Variants in IQSEC1 observed in about 807,000 individuals in gnomAD.
IQSEC1 encodes the protein IQ motif and SEC7 domain-containing protein 1.
A neutral mutation model predicts 91.0 loss-of-function variants in IQSEC1; 31 were observed. The ratio of observed to expected loss-of-function variants is 0.34; its 90% CI spans 0.26 to 0.46. IQSEC1 has a LOEUF of 0.46. Among genes scored for constraint, IQSEC1 ranks in the 20% least tolerant of loss-of-function variants. The pLI is 1.00. For missense variants in IQSEC1, 1,388 were observed against 1,575.6 expected (o/e 0.88, Z 2.02); for synonymous variants, 699 against 662.6 (o/e 1.05, Z -0.84).
At chr3:13,230,466 C>G in intron 1 of IQSEC1, among the ~76,000 whole-genome samples, 1 of 152,188 alleles carries the variant, frequency 6.6e-6, no homozygotes, top group East Asian at 1.9e-4. Context: ...TTTTTTGGCC[C>G]TCTAGAAAGT....
chr3:13,065,878 C>T (rs1705213428), intron 1 of IQSEC1, among the ~76,000 whole-genome samples: 1 of 152,226 alleles, frequency 6.6e-6, no homozygotes, highest in African/African-American at 2.4e-5. Context: ...TGTGGTCCAT[C>T]CGCACAATGG....
chr3:12,918,066 G>A (rs1224625450), intron 6 of IQSEC1, among the ~76,000 whole-genome samples: 1 of 152,216 alleles, frequency 6.6e-6, no homozygotes, highest in African/African-American at 2.4e-5. Flanking sequence ...CTGGCTCCAG[G>A]AGTCCAGGGA....
intron 2 of IQSEC1, among the ~76,000 whole-genome samples, chr3:13,161,340 A>G (rs1057327006): frequency 2.0e-5 from 3 of 151,870 alleles, no homozygotes; most frequent in Non-Finnish European, 4.4e-5. Context: ...TAGTTTTCCA[A>G]CCTCCCCTCT....
At chr3:13,064,388 C>G (rs887443188) in intron 1 of IQSEC1, among the ~76,000 whole-genome samples, 2 of 151,970 alleles carry the variant, frequency 1.3e-5, no homozygotes, top group African/African-American at 4.8e-5. Context: ...TAAAACAGAA[C>G]CAAGAGAATG....
intron 1 of IQSEC1, among the ~76,000 whole-genome samples, chr3:13,185,041 A>G (rs1410605669): frequency 6.6e-6 from 1 of 152,194 alleles, no homozygotes; most frequent in Non-Finnish European, 1.5e-5. Flanking sequence ...CGGAGACCAC[A>G]GATGCCAGGG....
At chr3:13,270,117 C>T (rs1695568779) in intron 1 of IQSEC1, among the ~76,000 whole-genome samples, 1 of 152,192 alleles carries the variant, frequency 6.6e-6, no homozygotes, top group African/African-American at 2.4e-5. Context: ...TTTGGACCCT[C>T]CAGATCAGCC....
At chr3:12,968,992 A>C (rs1026725899) in intron 1 of IQSEC1, among the ~76,000 whole-genome samples, 1 of 152,218 alleles carries the variant, frequency 6.6e-6, no homozygotes, top group Non-Finnish European at 1.5e-5. Context: ...CAAGAAGCTG[A>C]GCAGGAGCCC....
rs961738419 is a variant in IQSEC1 at position 13,179,474 on chromosome 3, A to C, written c.273-15341T>G. On this transcript the variant is annotated intron_variant, in intron 1 of 15. Coordinates refer to the IQSEC1 transcript ENST00000648114. ...AACCCACAAGCCTATACCTCGTGGA[A>C]ATATCATCACCCATAGACATCACAC... Among the ~76,000 whole-genome samples, 7 of 152,268 alleles carry C rather than the reference A, an allele frequency of 4.6e-5. 1 individual carries two copies. Among genetic ancestry groups the C allele is most frequent in the Admixed American group, 3.9e-4 (6 of 15,288 alleles).
intron 2 of IQSEC1, among the ~76,000 whole-genome samples, chr3:13,152,440 G>C (rs889587893): frequency 6.6e-6 from 1 of 152,196 alleles, no homozygotes; most frequent in African/African-American, 2.4e-5. Flanking sequence ...AGAAACCATG[G>C]AGCTCTCTGA....
At chr3:13,057,624 C>T (rs1023678497) in intron 1 of IQSEC1, among the ~76,000 whole-genome samples, 3 of 152,230 alleles carry the variant, frequency 2.0e-5, no homozygotes, top group African/African-American at 7.2e-5. Context: ...AGGAGAAGCA[C>T]CTGGCACAGG....
chr3:13,045,857 T>A (rs1208929827), intron 1 of IQSEC1, among the ~76,000 whole-genome samples: 1 of 152,190 alleles, frequency 6.6e-6, no homozygotes, highest in Non-Finnish European at 1.5e-5. Flanking sequence ...CCCTGAGCCA[T>A]CCCATCAGGG....
intron 1 of IQSEC1, among the ~76,000 whole-genome samples, chr3:13,196,507 C>T (rs1018599186): frequency 1.3e-5 from 2 of 152,226 alleles, no homozygotes; most frequent in African/African-American, 4.8e-5. Flanking sequence ...CTGAGACAGG[C>T]TCCTGTCACT....
At chr3:13,055,726 C>T (rs1301609079) in intron 1 of IQSEC1, among the ~76,000 whole-genome samples, 2 of 152,228 alleles carry the variant, frequency 1.3e-5, no homozygotes, top group Non-Finnish European at 2.9e-5. Flanking sequence ...CGGTCCAGAG[C>T]TGCCTCAAGG....
At chr3:13,019,235 A>T (rs1703287347) in intron 1 of IQSEC1, among the ~76,000 whole-genome samples, 1 of 152,196 alleles carries the variant, frequency 6.6e-6, no homozygotes, top group Non-Finnish European at 1.5e-5. Context: ...TCCCTCTCAG[A>T]GTCCTCGGGC....
intron 5 of IQSEC1, among the ~76,000 whole-genome samples, 176 bp downstream of exon 5, chr3:12,921,944 G>A (rs920230905): frequency 1.3e-5 from 2 of 152,172 alleles, no homozygotes; most frequent in African/African-American, 4.8e-5. Flanking sequence ...AAAGGAGCCC[G>A]TCACAGTGCC....
At chr3:12,986,627 C>A (rs947142644) in intron 1 of IQSEC1, among the ~76,000 whole-genome samples, 2 of 152,198 alleles carry the variant, frequency 1.3e-5, no homozygotes, top group African/African-American at 4.8e-5. Flanking sequence ...CTGGCTGCGT[C>A]CTGCCAGGCC....
intron 1 of IQSEC1, among the ~76,000 whole-genome samples, chr3:13,173,475 G>A (rs971523790): frequency 6.6e-6 from 1 of 152,226 alleles, no homozygotes; most frequent in Non-Finnish European, 1.5e-5. Context: ...GACTTGGCTG[G>A]CCTCCCAAGG....
rs115728002 is a variant in IQSEC1, at chr3:13,214,522, G to T, written c.273-50389C>A. ...AACAAATGGGAAACTCCCTTTCATG[G>T]CCTCCATTGCACGTGGGTGCAGCCT... On this transcript the variant is annotated intron_variant, in intron 1 of 15. Coordinates refer to the IQSEC1 transcript ENST00000648114. This position sits in a 1 kb window ranked among gnomAD's most constrained non-coding sequence, Gnocchi z 4.5. 7.1e-3 allele frequency among the ~76,000 whole-genome samples: 1,078 copies of T among 152,380 alleles called. 12 individuals carry two copies. Among genetic ancestry groups the T allele is most frequent in the African/African-American group, 0.024 (999 of 41,594 alleles).
chr3:13,197,963 C>T (rs752682005), intron 1 of IQSEC1, among the ~76,000 whole-genome samples: 12 of 152,206 alleles, frequency 7.9e-5, no homozygotes, highest in Non-Finnish European at 1.8e-4. Flanking sequence ...TGTGTGTGCA[C>T]AGCGTGCACC....
Sources: allele counts gnomAD v4.1 joint callset (sites outside exome capture counted in the v4.1 genomes callset), GRCh38; gene constraint gnomAD v4.1.1; non-coding constraint Gnocchi (gnomAD v3.1); transcripts MANE v1.5; gene names NCBI Gene and HGNC (gene_info 2026-07-23, HGNC 2026-07-21).